The following SULF2 variants were observed in gnomAD, a reference collection of about 807,000 sequenced individuals.
SULF2 encodes sulfatase 2.
Under a neutral mutation model 107.7 loss-of-function variants are expected in SULF2, and 52 were observed. That is an observed-to-expected ratio of 0.48 (90% CI 0.39 to 0.61). The LOEUF (loss-of-function observed/expected upper bound fraction) is 0.61. Among genes scored for constraint, SULF2 ranks in the 20% least tolerant of loss-of-function variants. The probability of loss-of-function intolerance (pLI) is 0.00; values close to 1 mark genes in which losing one functional copy is unlikely to be tolerated. For missense variants in SULF2, 993 were observed against 1,177.3 expected, an observed-to-expected ratio of 0.84 and a Z score of 2.29; for synonymous variants, 460 against 464.3, an observed-to-expected ratio of 0.99 and a Z score of 0.12.
Position 47,658,395 on chromosome 20 carries a change from A to G in SULF2, c.2583-3T>C, listed in dbSNP as rs779977400. 65 of 1,614,040 alleles carry G rather than the reference A, an allele frequency of 4.0e-5. No individual in the cohort carries two copies. Among genetic ancestry groups the G allele is most frequent in the Middle Eastern group, 1.6e-4 (1 of 6,084 alleles). On this transcript the variant is annotated splice_polypyrimidine_tract_variant and splice_region_variant and intron_variant, in intron 20 of 20. Transcript: ENST00000688720. ...CCCAGCCTTCCCACAGTTGTCCCCT[A>G]AAGAACAAAACAAACTCATCTTAGC...
At chr20:47,755,021 AC>A (rs1265588397) in intron 2 of SULF2, among the ~76,000 whole-genome samples, 1 of 80,270 alleles carries the variant, frequency 1.2e-5, no homozygotes, top group African/African-American at 6.0e-5. Context: ...TTTTGTTAAG[AC>A]GGGGGGGGTC....
intron 10 of SULF2, among the ~76,000 whole-genome samples, chr20:47,674,408 G>A (rs2087573961): frequency 6.6e-6 from 1 of 152,250 alleles, no homozygotes; most frequent in African/African-American, 2.4e-5. Context: ...CAGTTTGCCT[G>A]AGCCCTGGGC....
At position 47,682,204 on chromosome 20, in the gene SULF2, A is replaced by G. The variant is rs188545076; in HGVS notation, c.1064+790T>C. Reference sequence around the variant, plus strand: ...GCAAAATGTCCAAGGCAGTGGGAACATGTCAGTCTGGAATTCCACACTGCA... The same window carrying G: ...GCAAAATGTCCAAGGCAGTGGGAACGTGTCAGTCTGGAATTCCACACTGCA... On this transcript the variant is annotated intron_variant, in intron 7 of 20. Transcript: ENST00000688720. Among the ~76,000 whole-genome samples the G allele has an allele frequency of 3.1e-3, 479 of 152,334 alleles. 2 individuals carry two copies. The highest frequency in any genetic ancestry group is 0.011 in the African/African-American group (458 of 41,588).
At chr20:47,754,219 C>T (rs1234970467) in intron 2 of SULF2, among the ~76,000 whole-genome samples, 5 of 152,202 alleles carry the variant, frequency 3.3e-5, no homozygotes, top group Non-Finnish European at 7.3e-5. Flanking sequence ...TGAGGATGGA[C>T]GTCTGTTCTC....
At chr20:47,672,468 CCA>C in intron 10 of SULF2, 75 bp from the exon 11 acceptor site, 1 of 1,488,550 alleles carries the variant, frequency 6.7e-7, no homozygotes, top group Non-Finnish European at 8.9e-7. Context: ...CCACCCCCAT[CCA>C]CCCTGGAGAC....
At position 47,690,249 on chromosome 20, in the gene SULF2, C is replaced by A; in HGVS notation, c.614G>T (p.Arg205Leu). 10 of 1,561,154 alleles carry A rather than the reference C, an allele frequency of 6.4e-6. No individual in the cohort carries two copies. The highest frequency in any genetic ancestry group is 8.7e-6 in the Non-Finnish European group (10 of 1,149,828). ...GTGCGGGTACATCTTCTTGGACGTG[C>A]GGAAGAAGCTCACGCTGTCATTGGT... ...LITNDSVSFF[R>L]TSKKMYPHRP... The change falls in exon 5 of 21, where the codon CGC (arginine) becomes CTC (leucine). Residue 205 changes from arginine (R) to leucine (L), a missense_variant. Arg to Leu is a moderately radical substitution (Grantham distance 102). Transcript: ENST00000688720.
At chr20:47,729,482 A>G (rs1482723995) in intron 3 of SULF2, among the ~76,000 whole-genome samples, 1 of 152,170 alleles carries the variant, frequency 6.6e-6, no homozygotes, top group African/African-American at 2.4e-5. Flanking sequence ...GGCGGGGAAG[A>G]CAGTGGCGCG....
At position 47,672,278 on chromosome 20, in the gene SULF2, T is replaced by C; in HGVS notation, c.1496A>G (p.Gln499Arg). The C allele has an allele frequency of 1.4e-5, 22 of 1,613,580 alleles. No individual in the cohort carries two copies. Among genetic ancestry groups the C allele is most frequent in the Non-Finnish European group, 1.9e-5 (22 of 1,179,954 alleles). The change falls in exon 11 of 21, where the codon CAG (glutamine) becomes CGG (arginine). Residue 499 changes from glutamine (Q) to arginine (R), a missense_variant. Transcript: ENST00000688720. ...GTCACAGGTGCAGGCCTCGCTGCCCTGCCCGTAGTACTTGGGCACGAGGTT... is the reference window on the plus strand; with the variant it reads ...GTCACAGGTGCAGGCCTCGCTGCCCCGCCCGTAGTACTTGGGCACGAGGTT... ...LSNLVPKYYG[Q>R]GSEACTCDSG...
intron 3 of SULF2, among the ~76,000 whole-genome samples, chr20:47,707,486 A>G (rs1321802819): frequency 6.6e-6 from 1 of 152,146 alleles, no homozygotes; most frequent in African/African-American, 2.4e-5. Flanking sequence ...ATGGTCCACT[A>G]CAACCCAAAG....
intron 15 of SULF2, 74 bp from the exon 16 acceptor site, chr20:47,663,696 C>T: frequency 6.8e-7 from 1 of 1,479,206 alleles, no homozygotes; most frequent in Non-Finnish European, 9.0e-7. Flanking sequence ...CTCTTCCTGT[C>T]CACCTAAGGG....
At chr20:47,760,094 G>A (rs377316332) in intron 1 of SULF2, among the ~76,000 whole-genome samples, 50 of 152,320 alleles carry the variant, frequency 3.3e-4, no homozygotes, top group African/African-American at 8.7e-4. Context: ...GCTCAGAGGC[G>A]TCCATCACTG....
intron 1 of SULF2, among the ~76,000 whole-genome samples, chr20:47,782,290 G>A (rs80013049): frequency 6.6e-6 from 1 of 152,140 alleles, no homozygotes; most frequent in Non-Finnish European, 1.5e-5. Context: ...GTGAGGCCTC[G>A]TTCCCTAGCA....
At chr20:47,737,538 C>G (rs528843895) in intron 2 of SULF2, among the ~76,000 whole-genome samples, 1 of 151,982 alleles carries the variant, frequency 6.6e-6, no homozygotes, top group Admixed American at 6.6e-5. Flanking sequence ...AGCCACAAAC[C>G]CTGCTGGCCT....
At chr20:47,714,278 T>A (rs1480306347) in intron 3 of SULF2, among the ~76,000 whole-genome samples, 6 of 152,202 alleles carry the variant, frequency 3.9e-5, no homozygotes, top group Non-Finnish European at 4.4e-5. Context: ...ACTTAGTAAT[T>A]TCCTTCAAAT....
chr20:47,761,671 C>G (rs2090422904), intron 1 of SULF2, among the ~76,000 whole-genome samples: 1 of 152,250 alleles, frequency 6.6e-6, no homozygotes, highest in Admixed American at 6.5e-5. Context: ...AGCACATTAG[C>G]ACCATCTGAG....
intron 8 of SULF2, 131 bp from the exon 9 acceptor site, chr20:47,677,265 G>C: frequency 1.0e-6 from 1 of 961,074 alleles, no homozygotes; most frequent in Non-Finnish European, 1.6e-6. Flanking sequence ...ATTGTGGTGA[G>C]TGTGCCCAGC....
At chr20:47,779,827 G>A (rs1442579998) in intron 1 of SULF2, among the ~76,000 whole-genome samples, 2 of 152,012 alleles carry the variant, frequency 1.3e-5, no homozygotes, top group South Asian at 2.1e-4. Flanking sequence ...GGCTAGTCTT[G>A]AACTCCTGAC....
chr20:47,771,191 G>A (rs6090729), intron 1 of SULF2, among the ~76,000 whole-genome samples: 47,848 of 151,976 alleles, frequency 0.31, 8,623 homozygotes, highest in African/African-American at 0.5. Flanking sequence ...TTGTGCTCAC[G>A]TCCATTTCAA....
At chr20:47,727,596 C>T (rs575452241) in intron 3 of SULF2, among the ~76,000 whole-genome samples, 2 of 152,294 alleles carry the variant, frequency 1.3e-5, no homozygotes, top group South Asian at 4.1e-4. Flanking sequence ...GGAAACCCTG[C>T]CCCATCGGCC....
Sources: gnomAD v4.1 joint callset for allele counts (sites outside exome capture counted in the v4.1 genomes callset) on GRCh38, gnomAD v4.1.1 for gene constraint, MANE v1.5 for transcripts, NCBI Gene and HGNC (gene_info 2026-07-23, HGNC 2026-07-21) for gene names.